The following PRMT2 variants were observed in gnomAD, a reference collection of about 807,000 sequenced individuals.
PRMT2 encodes the protein protein arginine N-methyltransferase 2.
A neutral mutation model predicts 57.6 loss-of-function variants in PRMT2; 26 were observed. That is an observed-to-expected ratio of 0.45 (90% CI 0.33 to 0.63). The LOEUF (loss-of-function observed/expected upper bound fraction) is 0.63. Ranked by LOEUF, PRMT2 falls within the 20% of genes least tolerant of loss-of-function variation. The probability of loss-of-function intolerance (pLI) is 0.02; values close to 1 mark genes in which losing one functional copy is unlikely to be tolerated. For synonymous variants in PRMT2, 219 were observed against 220.0 expected (o/e 1.00, Z 0.04); for missense variants, 472 against 564.4 (o/e 0.84, Z 1.66).
chr21:46,658,739 A>T lies in PRMT2; in HGVS notation c.655-6A>T, dbSNP rs753178984. Reference sequence around the variant, plus strand: ...TGTCTCCTGTGTGTCTTTCACTCCTATGCAGTTTGAGTTCATGATCGAGTC... The same window carrying T: ...TGTCTCCTGTGTGTCTTTCACTCCTTTGCAGTTTGAGTTCATGATCGAGTC... On this transcript the variant is annotated splice_polypyrimidine_tract_variant and splice_region_variant and intron_variant, in intron 7 of 11. Coordinates refer to ENST00000355680, the MANE Select transcript of PRMT2 (RefSeq NM_206962.4). 2.0e-5 allele frequency: 32 copies of T among 1,613,686 alleles called. No individual in the cohort carries two copies. The highest frequency in any genetic ancestry group is 3.4e-6 in the Non-Finnish European group (4 of 1,179,844).
chr21:46,658,978 G>A, intron 8 of PRMT2, 58 bp downstream of exon 8: 2 of 1,570,158 alleles, frequency 1.3e-6, no homozygotes, highest in African/African-American at 1.3e-5. Context: ...TCCACAGTCT[G>A]CAGGTGGGCC....
At chr21:46,658,946 A>G in intron 8 of PRMT2, 26 bp downstream of exon 8, 2 of 1,600,560 alleles carry the variant, frequency 1.2e-6, no homozygotes, top group Non-Finnish European at 8.5e-7. Context: ...TGGGACTGGC[A>G]CCGTCTTGTG....
chr21:46,654,919 A>G (rs1039851970), intron 7 of PRMT2: 11 of 984,516 alleles, frequency 1.1e-5, no homozygotes, highest in Non-Finnish European at 1.3e-5. Flanking sequence ...CCCTCTATGT[A>G]TGTACATAGA....
At position 46,649,900 on chromosome 21, in the gene PRMT2, T is replaced by C; in HGVS notation, c.654+161T>C. On this transcript the variant is annotated intron_variant, in intron 7 of 11. Coordinates refer to ENST00000355680, the MANE Select transcript of PRMT2 (RefSeq NM_206962.4). The surrounding 1 kb of genome is among the most constrained non-coding windows in gnomAD (Gnocchi z 4.8). ...ATTTCTTGTGTGGACATTGGCTCAG[T>C]GTCTTGAATTTTCACCTGATTTAAA... 2 of 1,459,064 alleles carry C rather than the reference T, an allele frequency of 1.4e-6. No homozygotes were observed. The highest frequency in any genetic ancestry group is 1.8e-6 in the Non-Finnish European group (2 of 1,100,820). 90.4% of individuals were successfully genotyped at this position (1,459,064 alleles called of 1,614,324 possible).
At position 46,663,461 on chromosome 21, in the gene PRMT2, A is replaced by G; in HGVS notation, c.1176A>G (p.Ser392=). 6.2e-7 allele frequency: 1 copy of G among 1,614,168 alleles called. No individual in the cohort carries two copies. The highest frequency in any genetic ancestry group is 8.5e-7 in the Non-Finnish European group (1 of 1,180,008). The change falls in exon 11 of 12, where the codon TCA becomes TCG. Residue 392 remains serine, a synonymous_variant. Coordinates refer to ENST00000355680, the MANE Select transcript of PRMT2 (RefSeq NM_206962.4). Reference sequence around the variant, plus strand: ...ATACAGGAGACGTGGTCACGGGTTCAGTTGTGTTGCAGAGAAACCCAGTGT... The same window carrying G: ...ATACAGGAGACGTGGTCACGGGTTCGGTTGTGTTGCAGAGAAACCCAGTGT... ...PVHTGDVVTG[S]VVLQRNPVWR...
Position 46,649,959 on chromosome 21 carries a change from A to T in PRMT2, c.654+220A>T. ...TTATGAGAAATTTAAGTCAAAGTTC[A>T]TGTAACATTTTCATGAGTGATTTAC... On this transcript the variant is annotated intron_variant, in intron 7 of 11. Transcript: ENST00000355680. This position sits in a 1 kb window ranked among gnomAD's most constrained non-coding sequence, Gnocchi z 4.8. 6.9e-7 allele frequency: 1 copy of T among 1,444,008 alleles called. No individual in the cohort carries two copies. The highest frequency in any genetic ancestry group is 9.1e-7 in the Non-Finnish European group (1 of 1,097,938). 89.4% of individuals were successfully genotyped at this position (1,444,008 alleles called of 1,614,324 possible).
At chr21:46,640,526 C>G (rs963239372) in intron 3 of PRMT2, among the ~76,000 whole-genome samples, 8 of 150,666 alleles carry the variant, frequency 5.3e-5, no homozygotes, top group African/African-American at 1.5e-4. Flanking sequence ...ACTGCAAGCT[C>G]CGCCTCCTGG....
intron 7 of PRMT2, chr21:46,652,602 TGTG>T (rs1179675077): frequency 5.8e-5 from 57 of 985,266 alleles, no homozygotes; most frequent in Non-Finnish European, 6.7e-5. Context: ...ATGCTGAGGT[TGTG>T]GGGAAGTGTG....
At chr21:46,639,458 T>C (rs1228870167) in intron 3 of PRMT2, among the ~76,000 whole-genome samples, 2 of 152,208 alleles carry the variant, frequency 1.3e-5, no homozygotes, top group South Asian at 2.1e-4. Context: ...ATTGTAGATA[T>C]ATCTATTTTT....
At chr21:46,644,911 A>G (rs926595564) in intron 5 of PRMT2, among the ~76,000 whole-genome samples, 2 of 152,090 alleles carry the variant, frequency 1.3e-5, no homozygotes, top group Non-Finnish European at 1.5e-5. Context: ...CTCCCTCAGT[A>G]TTTAAAAAAA....
intron 4 of PRMT2, 81 bp from the exon 5 acceptor site, chr21:46,644,225 A>G (rs2061326846): frequency 5.1e-6 from 7 of 1,370,358 alleles, no homozygotes; most frequent in Non-Finnish European, 7.0e-6. Context: ...TTTTGTCACC[A>G]TTGATGGGAT....
chr21:46,661,643 A>T, intron 9 of PRMT2, 157 bp from the exon 10 acceptor site: 1 of 631,268 alleles, frequency 1.6e-6, no homozygotes. Flanking sequence ...TGAACTCACG[A>T]TGCGGGTTTT....
intron 5 of PRMT2, among the ~76,000 whole-genome samples, chr21:46,646,183 T>C (rs183943277): frequency 1.3e-3 from 205 of 152,304 alleles, no homozygotes; most frequent in Non-Finnish European, 2.5e-3. Context: ...GATATAGGTA[T>C]AGAGGTGTTT....
chr21:46,636,076 C>T (rs2061165272), intron 1 of PRMT2: 1 of 152,970 alleles, frequency 6.5e-6, no homozygotes, highest in Non-Finnish European at 1.5e-5. Flanking sequence ...GCCTGGCGGC[C>T]CCTGCCCCGA....
chr21:46,663,959 G>A (rs1293092939), intron 11 of PRMT2, among the ~76,000 whole-genome samples: 3 of 152,180 alleles, frequency 2.0e-5, no homozygotes, highest in Admixed American at 6.5e-5. Context: ...TCTGTGATGC[G>A]TGTTCTGACT....
intron 7 of PRMT2, chr21:46,652,107 C>A: frequency 6.6e-7 from 1 of 1,524,982 alleles, no homozygotes. Context: ...TGTAGTTGTT[C>A]AGAGATGGTG....
In PRMT2 at chr21:46,661,834, A is replaced by G; in HGVS notation, c.995A>G (p.Lys332Arg). Reference sequence around the variant, plus strand: ...GGCGAGCTGCGCTTCGACATCAGGAAGGCGGGGACCCTGCACGGCTTCACG... The same window carrying G: ...GGCGAGCTGCGCTTCGACATCAGGAGGGCGGGGACCCTGCACGGCTTCACG... ...LRGELRFDIR[K>R]AGTLHGFTAW... Residue 332 changes from lysine to arginine, a missense_variant, in exon 10 of 12, where the codon AAG (lysine) becomes AGG (arginine). Lys to Arg is a conservative substitution (Grantham distance 26). Coordinates refer to ENST00000355680, the MANE Select transcript of PRMT2 (RefSeq NM_206962.4). 1 of 1,496,216 alleles carries G rather than the reference A, an allele frequency of 6.7e-7. No individual in the cohort carries two copies. The highest frequency in any genetic ancestry group is 9.0e-7 in the Non-Finnish European group (1 of 1,116,504). 92.7% of individuals were successfully genotyped at this position (1,496,216 alleles called of 1,614,324 possible).
At chr21:46,645,830 C>T (rs2061357128) in intron 5 of PRMT2, among the ~76,000 whole-genome samples, 1 of 151,916 alleles carries the variant, frequency 6.6e-6, no homozygotes, top group African/African-American at 2.4e-5. Context: ...AATTCTCCTG[C>T]CACAGCCTCC....
At chr21:46,647,775 A>G (rs2061387259) in intron 5 of PRMT2, among the ~76,000 whole-genome samples, 1 of 152,270 alleles carries the variant, frequency 6.6e-6, no homozygotes, top group Non-Finnish European at 1.5e-5. Context: ...ACAAATCTCC[A>G]GCGACCCCAG....
Sources: allele counts gnomAD v4.1 joint callset (sites outside exome capture counted in the v4.1 genomes callset), GRCh38; gene constraint gnomAD v4.1.1; non-coding constraint Gnocchi (gnomAD v3.1); transcripts MANE v1.5; gene names NCBI Gene and HGNC (gene_info 2026-07-23, HGNC 2026-07-21).